TRIM64C: variants seen among roughly 807,000 people sequenced by gnomAD.
TRIM64C encodes tripartite motif containing 64C.
A neutral mutation model predicts 36.1 loss-of-function variants in TRIM64C; 25 were observed. The ratio of observed to expected loss-of-function variants is 0.69; its 90% CI spans 0.51 to 0.97. The LOEUF (loss-of-function observed/expected upper bound fraction) is 0.97. Ranked by LOEUF, TRIM64C falls within the 50% of genes least tolerant of loss-of-function variation. The pLI is 0.00. For synonymous variants in TRIM64C, 212 were observed against 185.7 expected, an observed-to-expected ratio of 1.14 and a Z score of -1.15; for missense variants, 489 against 536.8, an observed-to-expected ratio of 0.91 and a Z score of 0.88.
chr11:49,058,788 A>G lies in TRIM64C; in HGVS notation c.325T>C (p.Leu109=). 1.3e-6 allele frequency: 2 copies of G among 1,548,940 alleles called. No homozygotes were observed. ...GACTCAGAGCAGGGCCCACAGAGCA[A>G]TCTCTTGTCAGCCTCACAGAAGAGC... is the stretch of plus-strand genomic sequence containing the variant. ...KELFCEADKR[L]LCGPCSESPE... The change falls in exon 1 of 6, where the codon TTG becomes CTG. Residue 109 remains leucine (L), a synonymous_variant. Transcript: ENST00000617704.
At chr11:49,057,876 C>T (rs576952682) in intron 2 of TRIM64C, 12 of 528,886 alleles carry the variant, frequency 2.3e-5, no homozygotes, top group Middle Eastern at 5.4e-4. Context: ...CACATCATGC[C>T]GTTTATCCAA....
At chr11:49,055,514 G>A (rs758856703) in intron 4 of TRIM64C, 107 bp from the exon 5 acceptor site, 97 of 1,433,830 alleles carry the variant, frequency 6.8e-5, no homozygotes, top group South Asian at 1.9e-4. Flanking sequence ...GAATTCTGCC[G>A]GTTTTGGTTA....
chr11:49,056,147 G>A (rs1263618499), intron 4 of TRIM64C, among the ~76,000 whole-genome samples: 2 of 151,428 alleles, frequency 1.3e-5, no homozygotes, highest in Non-Finnish European at 2.9e-5. Context: ...ACAAACTTCC[G>A]AATGGCAAAT....
rs779046153 is a variant in TRIM64C at position 49,054,120 on chromosome 11, C to T, written c.947G>A (p.Arg316His). The T allele has an allele frequency of 3.3e-5, 51 of 1,551,560 alleles. No individual in the cohort carries two copies. The African/African-American group carries it at 3.7e-4, about 11-fold the overall frequency. Residue 316 changes from arginine (R) to histidine (H), a missense_variant, in exon 6 of 6, where the codon CGC becomes CAC. Physicochemically the swap from Arg to His is conservative, Grantham distance 29 (BLOSUM62 0). Transcript: ENST00000617704. ...TCCTTGGGGATCCATGGGTGCACTG[C>T]GATGGTCATCTCCAAATATCACACG... ...VRRVIFGDDHRSAPMDPQGVE... is the reference protein window; with the variant it reads ...VRRVIFGDDHHSAPMDPQGVE...
At chr11:49,057,452 G>C (rs1456233799) in intron 2 of TRIM64C, 74 bp from the exon 3 acceptor site, 1 of 1,415,420 alleles carries the variant, frequency 7.1e-7, no homozygotes. Flanking sequence ...TATATGCTGG[G>C]TGTAATCAAG....
chr11:49,055,602 C>CA, intron 4 of TRIM64C, among the ~76,000 whole-genome samples, 195 bp from the exon 5 acceptor site: 1 of 152,214 alleles, frequency 6.6e-6, no homozygotes, highest in East Asian at 1.9e-4. Context: ...CATAAAAACC[C>CA]AATTTCTCCA....
At chr11:49,055,645 GAA>G (rs1489991674) in intron 4 of TRIM64C, among the ~76,000 whole-genome samples, 1 of 152,066 alleles carries the variant, frequency 6.6e-6, no homozygotes, top group African/African-American at 2.4e-5. Flanking sequence ...TACAACTTCT[GAA>G]GTCATTAAAA....
rs1246638069 is a variant in TRIM64C, at chr11:49,058,915, G to A, written c.198C>T (p.Thr66=). Residue 66 remains threonine (T), a synonymous_variant, in exon 1 of 6, where the codon ACC becomes ACT. Coordinates refer to ENST00000617704, the MANE Select transcript of TRIM64C (RefSeq NM_001206631.1). ...RKISEKPNFN[T]NVALKKLASL... is the part of the protein sequence containing the mutation. The stretch of plus-strand genomic sequence containing the variant: ...AAGCCAGCTTTTTGAGTGCCACATT[G>A]GTGTTGAAGTTGGGCTTCTCTGAGA... 7 of 1,550,854 alleles carry A rather than the reference G, an allele frequency of 4.5e-6. No individual in the cohort carries two copies. In the African/African-American group the frequency reaches 8.3e-5, roughly 18 times the overall value.
At chr11:49,058,585 T>C (rs1181808200) in intron 1 of TRIM64C, 116 bp downstream of exon 1, 1 of 1,491,654 alleles carries the variant, frequency 6.7e-7, no homozygotes, top group Non-Finnish European at 8.9e-7. Flanking sequence ...TGTGTTATGA[T>C]TGACATGGAA....
At chr11:49,057,766 C>G (rs1854830464) in intron 2 of TRIM64C, 1 of 500,378 alleles carries the variant, frequency 2.0e-6, no homozygotes, top group South Asian at 1.6e-5. Context: ...ATATACTATT[C>G]TATTTCTTTT....
rs748374237 is a variant in TRIM64C at position 49,056,378 on chromosome 11, C to T, written c.742G>A (p.Val248Met). 5 of 1,541,478 alleles carry T rather than the reference C, an allele frequency of 3.2e-6. No individual in the cohort carries two copies. In the South Asian group the frequency reaches 3.6e-5, roughly 11 times the overall value. Residue 248 changes from valine to methionine, a missense_variant, in exon 4 of 6, where the codon GTG becomes ATG. By Grantham distance (21) the Val-to-Met change is conservative (BLOSUM62 1). Coordinates refer to ENST00000617704, the MANE Select transcript of TRIM64C (RefSeq NM_001206631.1). Reference protein sequence around the residue: ...HMPDVELLQDVGNISARTDLA... With the variant: ...HMPDVELLQDMGNISARTDLA... ...ACTCACCTTGCCGATATATTTCCCACATCCTGCAAAAAAAATAAAATGTAA... is the reference window on the plus strand; with the variant it reads ...ACTCACCTTGCCGATATATTTCCCATATCCTGCAAAAAAAATAAAATGTAA...
chr11:49,055,487 TATAAG>T, intron 4 of TRIM64C, 80 bp from the exon 5 acceptor site: 3 of 1,506,690 alleles, frequency 2.0e-6, no homozygotes, highest in Non-Finnish European at 2.7e-6. Context: ...CATATTTTCA[TATAAG>T]ATGTTTCCTC....
intron 1 of TRIM64C, 40 bp downstream of exon 1, chr11:49,058,661 T>C (rs776248848): frequency 6.5e-7 from 1 of 1,537,850 alleles, no homozygotes; most frequent in South Asian, 1.2e-5. Flanking sequence ...TCATTCTTAT[T>C]TGATATTCTG....
At chr11:49,058,623 T>G in intron 1 of TRIM64C, 78 bp downstream of exon 1, 1 of 1,525,792 alleles carries the variant, frequency 6.6e-7, no homozygotes, top group Non-Finnish European at 8.8e-7. Context: ...ATCTGCATTC[T>G]CATCACCATC....
chr11:49,053,812 T>C lies in TRIM64C; in HGVS notation c.1255A>G (p.Ser419Gly). 6.4e-7 allele frequency: 1 copy of C among 1,551,598 alleles called. No individual in the cohort carries two copies. The highest frequency in any genetic ancestry group is 8.7e-7 in the Non-Finnish European group (1 of 1,146,854). The change falls in exon 6 of 6, where the codon AGT (serine) becomes GGT (glycine). Residue 419 changes from serine (S) to glycine (G), a missense_variant. Transcript: ENST00000617704. ...VFLDYDNGSV[S>G]FFDVSKGSLI... ...GAACCTTTAGAAACATCAAAAAAAC[T>C]CACAGATCCATTATCATAATCCAGA...
At position 49,058,084 on chromosome 11, in the gene TRIM64C, T is replaced by C. The variant is rs1444004502; in HGVS notation, c.501A>G (p.Ser167=). The part of the protein sequence containing the change: ...NLNQETSKFC[S]LVDYVSLRKV... ...AAACATTTTCATTCTTAACCACTAA[T>C]GAACAAAATTTGCTAGTTTCCTGAT... Residue 167 remains serine (S), a synonymous_variant, in exon 2 of 6, where the codon TCA becomes TCG. Coordinates refer to ENST00000617704, the MANE Select transcript of TRIM64C (RefSeq NM_001206631.1). The C allele has an allele frequency of 6.6e-7, 1 of 1,523,198 alleles. No individual in the cohort carries two copies. The highest frequency in any genetic ancestry group is 2.0e-5 in the Admixed American group (1 of 49,604). 94.4% of individuals were successfully genotyped at this position (1,523,198 alleles called of 1,614,324 possible). A position where few individuals can be genotyped will look rare whatever the true frequency, so the allele number is the denominator to read the frequency against.
At chr11:49,056,269 A>G (rs1051799696) in intron 4 of TRIM64C, 90 bp downstream of exon 4, 1 of 980,980 alleles carries the variant, frequency 1.0e-6, no homozygotes, top group African/African-American at 1.7e-5. Flanking sequence ...AGCCACTGAG[A>G]ATGATGTTAG....
intron 5 of TRIM64C, 30 bp from the exon 6 acceptor site, chr11:49,054,237 G>A: frequency 6.5e-7 from 1 of 1,540,832 alleles, no homozygotes; most frequent in Non-Finnish European, 8.8e-7. Flanking sequence ...ATATTAGTGA[G>A]TGCTATGAGG....
Position 49,056,386 on chromosome 11 carries a change from A to G in TRIM64C, c.739-5T>C. The G allele has an allele frequency of 6.7e-7, 1 of 1,499,214 alleles. No individual in the cohort carries two copies. The allele number at this position is 1,499,214 out of a possible 1,614,324, so 92.9% of individuals were successfully genotyped here. On this transcript the variant is annotated splice_region_variant and splice_polypyrimidine_tract_variant and intron_variant, in intron 3 of 5. Coordinates refer to ENST00000617704, the MANE Select transcript of TRIM64C (RefSeq NM_001206631.1). ...TGCCGATATATTTCCCACATCCTGC[A>G]AAAAAAATAAAATGTAATGTTAATT...
Sources: gnomAD v4.1 joint callset for allele counts (sites outside exome capture counted in the v4.1 genomes callset) on GRCh38, gnomAD v4.1.1 for gene constraint, MANE v1.5 for transcripts, NCBI Gene and HGNC (gene_info 2026-07-23, HGNC 2026-07-21) for gene names.